PTPRK: variants seen among roughly 807,000 people sequenced by gnomAD.
PTPRK encodes the protein receptor-type tyrosine-protein phosphatase kappa.
In PTPRK, 75 loss-of-function variants were observed where a neutral mutation model predicts 178.0. The ratio of observed to expected loss-of-function variants is 0.42; its 90% CI spans 0.35 to 0.51. The LOEUF (loss-of-function observed/expected upper bound fraction) is 0.51, where lower values mean the gene tolerates loss of function less well. Ranked by LOEUF, PTPRK falls within the 20% of genes least tolerant of loss-of-function variation. PTPRK has a pLI of 0.02. For synonymous variants in PTPRK, 637 were observed against 620.6 expected, an observed-to-expected ratio of 1.03 and a Z score of -0.39; for missense variants, 1,441 against 1,797.8, an observed-to-expected ratio of 0.80 and a Z score of 3.59.
chr6:128,378,037 C>T (rs1372570038), intron 2 of PTPRK, among the ~76,000 whole-genome samples: 1 of 152,070 alleles, frequency 6.6e-6, no homozygotes, highest in Non-Finnish European at 1.5e-5. Flanking sequence ...GCTTTTTAGA[C>T]TGTGTTTCAC....
chr6:128,000,352 G>T, intron 15 of PTPRK: 1 of 1,243,156 alleles, frequency 8.0e-7, no homozygotes, highest in East Asian at 5.3e-5. Flanking sequence ...AAAAAAAAAA[G>T]AACCCTACAA....
intron 5 of PTPRK, among the ~76,000 whole-genome samples, chr6:128,230,507 C>G (rs1583591779): frequency 6.6e-6 from 1 of 152,114 alleles, no homozygotes; most frequent in South Asian, 2.1e-4. Flanking sequence ...AGCTCTCTTT[C>G]TTGTCCTGTG....
intron 2 of PTPRK, among the ~76,000 whole-genome samples, chr6:128,352,480 G>A (rs1319840880): frequency 6.6e-6 from 1 of 152,072 alleles, no homozygotes; most frequent in Non-Finnish European, 1.5e-5. Flanking sequence ...TAAAGATAAA[G>A]TATTTAACAT....
chr6:128,182,402 C>A (rs762328729), intron 7 of PTPRK, among the ~76,000 whole-genome samples: 5 of 151,968 alleles, frequency 3.3e-5, no homozygotes, highest in Non-Finnish European at 5.9e-5. Flanking sequence ...ATGGTGAAAC[C>A]CATCTCTACA....
intron 8 of PTPRK, among the ~76,000 whole-genome samples, chr6:128,085,535 T>C (rs1371038984): frequency 1.3e-5 from 2 of 152,218 alleles, no homozygotes; most frequent in Non-Finnish European, 2.9e-5. Flanking sequence ...GCATTGTAAT[T>C]ATAATAACTG....
intron 2 of PTPRK, among the ~76,000 whole-genome samples, chr6:128,323,091 C>T (rs1376740246): frequency 1.3e-5 from 2 of 152,114 alleles, no homozygotes; most frequent in Non-Finnish European, 2.9e-5. Context: ...CACCAATCTA[C>T]TCTATCCCTT....
rs923801561 is a variant in PTPRK at position 128,397,359 on chromosome 6, C to CT, written c.223+206dup. Among the ~76,000 whole-genome samples the CT allele has an allele frequency of 5.4e-3, 788 of 146,728 alleles. 8 individuals are homozygous for CT. Among genetic ancestry groups the CT allele is most frequent in the African/African-American group, 0.019 (738 of 39,856 alleles). On this transcript the variant is annotated intron_variant, in intron 2 of 29. Transcript: ENST00000368226. Reference sequence around the variant, plus strand: ...AATAGAAAAAAACACTAATACTTATCTTTTTTTTTTCAAAGACAACAAGGA... The same window carrying CT: ...AATAGAAAAAAACACTAATACTTATCTTTTTTTTTTTCAAAGACAACAAGGA...
At chr6:128,120,153 C>G (rs993744346) in intron 7 of PTPRK, among the ~76,000 whole-genome samples, 1 of 151,904 alleles carries the variant, frequency 6.6e-6, no homozygotes, top group African/African-American at 2.4e-5. Context: ...ATCCTACTTT[C>G]AAGCACGACT....
intron 1 of PTPRK, among the ~76,000 whole-genome samples, chr6:128,470,259 C>CATATATATATATATATATATATATAT (rs34303350): frequency 2.9e-4 from 43 of 147,854 alleles, no homozygotes; most frequent in African/African-American, 1.0e-3. Context: ...TCTCAGTTTT[C>CATATATATATATATATATATATATAT]ATATATATAT....
chr6:128,107,777 T>G (rs1789963113), intron 7 of PTPRK, among the ~76,000 whole-genome samples: 1 of 152,142 alleles, frequency 6.6e-6, no homozygotes, highest in African/African-American at 2.4e-5. Flanking sequence ...AATAGAAAAC[T>G]TGACTCTCTC....
intron 3 of PTPRK, among the ~76,000 whole-genome samples, chr6:128,311,803 T>G (rs1442968914): frequency 6.6e-6 from 1 of 152,178 alleles, no homozygotes; most frequent in African/African-American, 2.4e-5. Flanking sequence ...CCTATGTGTT[T>G]CTTCCTTCTT....
At chr6:127,977,535 C>T (rs1370027751) in intron 25 of PTPRK, among the ~76,000 whole-genome samples, 1 of 152,272 alleles carries the variant, frequency 6.6e-6, no homozygotes, top group Admixed American at 6.5e-5. Context: ...TTTTACTCTT[C>T]TCCACTCCAA....
intron 3 of PTPRK, among the ~76,000 whole-genome samples, chr6:128,250,121 C>T (rs573038699): frequency 1.2e-4 from 19 of 152,330 alleles, no homozygotes; most frequent in African/African-American, 4.3e-4. Context: ...TCACCTTCCA[C>T]CATGATTATG....
intron 1 of PTPRK, among the ~76,000 whole-genome samples, chr6:128,469,728 C>T (rs1289204474): frequency 1.3e-5 from 2 of 152,062 alleles, no homozygotes; most frequent in African/African-American, 4.8e-5. Flanking sequence ...AATCAGCTGA[C>T]GTTGAGATGG....
intron 7 of PTPRK, among the ~76,000 whole-genome samples, chr6:128,134,816 C>A (rs538946356): frequency 4.5e-4 from 69 of 152,112 alleles, no homozygotes; most frequent in East Asian, 9.7e-4. Flanking sequence ...AACCAACCAA[C>A]AAATAAACAA....
intron 1 of PTPRK, among the ~76,000 whole-genome samples, chr6:128,488,234 G>C (rs934652859): frequency 6.6e-6 from 1 of 152,108 alleles, no homozygotes; most frequent in South Asian, 2.1e-4. Context: ...AAAGATGAAG[G>C]CCAGAAAATT....
intron 7 of PTPRK, among the ~76,000 whole-genome samples, chr6:128,157,409 T>C (rs560792277): frequency 1.3e-5 from 2 of 152,102 alleles, no homozygotes; most frequent in South Asian, 2.1e-4. Flanking sequence ...ATGAAGCACA[T>C]CACAGTTGAC....
chr6:128,067,834 C>A, intron 11 of PTPRK, 42 bp from the exon 12 acceptor site: 5 of 1,486,222 alleles, frequency 3.4e-6, no homozygotes, highest in Non-Finnish European at 3.6e-6. Context: ...TATATACACA[C>A]ATATTTAGAG....
At chr6:128,094,619 T>C (rs947329021) in intron 7 of PTPRK, among the ~76,000 whole-genome samples, 2 of 152,116 alleles carry the variant, frequency 1.3e-5, no homozygotes, top group African/African-American at 4.8e-5. Flanking sequence ...GGCCAAAAAG[T>C]ATACTAGAAA....
Sources: gnomAD v4.1 joint callset for allele counts (sites outside exome capture counted in the v4.1 genomes callset) on GRCh38, gnomAD v4.1.1 for gene constraint, MANE v1.5 for transcripts, NCBI Gene and HGNC (gene_info 2026-07-23, HGNC 2026-07-21) for gene names.